Variants in BUB1 observed in about 807,000 individuals in gnomAD.
The protein encoded by BUB1 is BUB1 mitotic checkpoint serine/threonine kinase, also known as mitotic checkpoint serine/threonine-protein kinase BUB1.
In BUB1, 84 loss-of-function variants were observed where a neutral mutation model predicts 135.2. The ratio of observed to expected loss-of-function variants is 0.62; its 90% CI spans 0.52 to 0.74. The LOEUF is 0.74. Ranked by LOEUF, BUB1 falls within the 30% of genes least tolerant of loss-of-function variation. BUB1 has a pLI of 0.00. For synonymous variants in BUB1, 403 were observed against 434.4 expected (o/e 0.93, Z 0.90); for missense variants, 1,162 against 1,288.3 (o/e 0.90, Z 1.50).
chr2:110,673,607 G>A (rs1448583263), intron 3 of BUB1, among the ~76,000 whole-genome samples: 2 of 151,762 alleles, frequency 1.3e-5, no homozygotes, highest in African/African-American at 4.8e-5. Flanking sequence ...GGGGAGCGGG[G>A]GGTGGGGACA....
At chr2:110,674,703 G>C (rs1418072876) in intron 1 of BUB1, among the ~76,000 whole-genome samples, 1 of 152,196 alleles carries the variant, frequency 6.6e-6, no homozygotes, top group Non-Finnish European at 1.5e-5. Flanking sequence ...CCAGAAGTTT[G>C]CTCCTCCTCC....
chr2:110,659,920 CCT>C, intron 11 of BUB1, 56 bp downstream of exon 11: 1 of 1,476,708 alleles, frequency 6.8e-7, no homozygotes, highest in Non-Finnish European at 9.4e-7. Flanking sequence ...ACAAAATACA[CCT>C]CTGAGTGATA....
At position 110,658,635 on chromosome 2, in the gene BUB1, C is replaced by T. The variant is rs766709323; in HGVS notation, c.1384G>A (p.Val462Met). The change falls in exon 12 of 25, where the codon GTG (valine) becomes ATG (methionine). Residue 462 changes from valine to methionine, a missense_variant. Coordinates refer to ENST00000302759, the MANE Select transcript of BUB1 (RefSeq NM_004336.5). ...TTACCTAATGCTTCTTTTGTGTGCA[C>T]GGTGGGTGATGGCTGCACTTTGGAT... is the stretch of plus-strand genomic sequence containing the variant. ...TPSKVQPSPT[V>M]HTKEALGFIM... is the part of the protein sequence containing the mutation. 15 of 1,614,056 alleles carry T rather than the reference C, an allele frequency of 9.3e-6. No individual in the cohort carries two copies. The highest frequency in any genetic ancestry group is 5.3e-5 in the African/African-American group (4 of 74,924).
chr2:110,646,797 G>A (rs1315870477), intron 19 of BUB1, among the ~76,000 whole-genome samples: 1 of 151,960 alleles, frequency 6.6e-6, no homozygotes, highest in Non-Finnish European at 1.5e-5. Context: ...TATTAGAAAA[G>A]AAGATCTAAA....
At chr2:110,659,137 G>A (rs1361836058) in intron 11 of BUB1, among the ~76,000 whole-genome samples, 1 of 152,124 alleles carries the variant, frequency 6.6e-6, no homozygotes, top group East Asian at 1.9e-4. Context: ...GCCCTGCACA[G>A]CCTGGGTCCT....
chr2:110,639,714 T>C (rs777029694), intron 24 of BUB1, 28 bp downstream of exon 24: 1 of 1,526,128 alleles, frequency 6.6e-7, no homozygotes, highest in Admixed American at 1.7e-5. Flanking sequence ...TATTCTCTTT[T>C]CACTACAGCA....
In BUB1 at chr2:110,658,421, G is replaced by A. The variant is rs143052068; in HGVS notation, c.1505C>T (p.Ala502Val). ...TAAATAGTTATTACTTTGAAACTGG[G>A]CTTCAAATGCATCTTCATTTTGATC... ...SLDQNEDAFE[A>V]QFQKNVRSSG... The change falls in exon 13 of 25, where the codon GCC (alanine) becomes GTC (valine). Residue 502 changes from alanine (A) to valine (V), a missense_variant. Coordinates refer to ENST00000302759, the MANE Select transcript of BUB1 (RefSeq NM_004336.5). 2 of 1,612,090 alleles carry A rather than the reference G, an allele frequency of 1.2e-6. No individual in the cohort carries two copies. Among genetic ancestry groups the A allele is most frequent in the Non-Finnish European group, 1.7e-6 (2 of 1,178,646 alleles).
intron 15 of BUB1, 42 bp from the exon 16 acceptor site, chr2:110,655,958 T>A: frequency 1.9e-6 from 3 of 1,575,602 alleles, no homozygotes; most frequent in Non-Finnish European, 1.7e-6. Context: ...GCAATCTCCC[T>A]CTTTAGTCCA....
intron 1 of BUB1, among the ~76,000 whole-genome samples, chr2:110,676,201 T>C (rs1690577437): frequency 6.6e-6 from 1 of 152,048 alleles, no homozygotes; most frequent in African/African-American, 2.4e-5. Flanking sequence ...TTTTTTTTAA[T>C]GAGCAAAGGG....
Position 110,674,106 on chromosome 2 carries a change from T to G in BUB1, c.205A>C (p.Ile69Leu), listed in dbSNP as rs780901314. The change falls in exon 3 of 25, where the codon ATC becomes CTC. Residue 69 changes from isoleucine to leucine, a missense_variant. Coordinates refer to ENST00000302759, the MANE Select transcript of BUB1 (RefSeq NM_004336.5). ...KKKYHNDPRFISYCLKFAEYN... is the reference protein window; with the variant it reads ...KKKYHNDPRFLSYCLKFAEYN... Reference sequence around the variant, plus strand: ...CTTACAAATTTTAAACAATAACTGATGAATCTTGGGTCATTGTGGTATTTC... The same window carrying G: ...CTTACAAATTTTAAACAATAACTGAGGAATCTTGGGTCATTGTGGTATTTC... 2 of 1,531,894 alleles carry G rather than the reference T, an allele frequency of 1.3e-6. No homozygotes were observed. Among genetic ancestry groups the G allele is most frequent in the Admixed American group, 3.4e-5 (2 of 58,402 alleles). 94.9% of individuals were successfully genotyped at this position (1,531,894 alleles called of 1,614,324 possible).
At chr2:110,662,835 AG>A (rs1267366679) in intron 9 of BUB1, among the ~76,000 whole-genome samples, 1 of 152,154 alleles carries the variant, frequency 6.6e-6, no homozygotes, top group African/African-American at 2.4e-5. Context: ...CCAAATGTCT[AG>A]GGCAAGAATA....
chr2:110,653,587 T>C (rs1689842113), intron 16 of BUB1, 64 bp from the exon 17 acceptor site: 1 of 1,312,424 alleles, frequency 7.6e-7, no homozygotes, highest in Non-Finnish European at 1.1e-6. Flanking sequence ...ACACACACCA[T>C]TTGATATGGT....
At chr2:110,658,387 A>G (rs1416497419) in intron 13 of BUB1, 23 bp downstream of exon 13, 2 of 1,567,430 alleles carry the variant, frequency 1.3e-6, no homozygotes, top group Non-Finnish European at 8.8e-7. Context: ...CTATGCACTT[A>G]GTAGCTTTTA....
chr2:110,666,511 C>T (rs958833557), intron 8 of BUB1, 97 bp from the exon 9 acceptor site: 29 of 965,096 alleles, frequency 3.0e-5, no homozygotes, highest in South Asian at 2.1e-4. Context: ...TTTAGGGGGC[C>T]GATTTTTTTA....
chr2:110,657,047 A>C lies in BUB1; in HGVS notation c.1687T>G (p.Ser563Ala). 2 of 1,612,500 alleles carry C rather than the reference A, an allele frequency of 1.2e-6. No individual in the cohort carries two copies. The highest frequency in any genetic ancestry group is 1.7e-6 in the Non-Finnish European group (2 of 1,179,112). ...FGERSVSRLP[S>A]KPKEEVPHAE... is the part of the protein sequence containing the mutation. ...ACAGGTTTGTTTACCTTTGGTTTTG[A>C]AGGAAGTCTGCTGACAGAGCGTTCT... Residue 563 changes from serine to alanine, a missense_variant, in exon 15 of 25, where the codon TCA becomes GCA. Transcript: ENST00000302759.
Position 110,650,532 on chromosome 2 carries a change from G to T in BUB1, c.2203+14C>A. On this transcript the variant is annotated intron_variant, in intron 18 of 24. Transcript: ENST00000302759. Reference sequence around the variant, plus strand: ...TCCTGATTCAAGGGCATAACAAAGAGTGAGTGTTCGTACTTGGAGCATCAA... The same window carrying T: ...TCCTGATTCAAGGGCATAACAAAGATTGAGTGTTCGTACTTGGAGCATCAA... 1 of 1,609,238 alleles carries T rather than the reference G, an allele frequency of 6.2e-7. No individual in the cohort carries two copies. The highest frequency in any genetic ancestry group is 2.2e-5 in the East Asian group (1 of 44,830).
rs1287279633 is a variant in BUB1 at position 110,669,537 on chromosome 2, A to C, written c.483T>G (p.Pro161=). ...HLPAQARTSE[P]LHNVQVLNQM... ...GATTTAAAACCTGAACATTATGCAG[A>C]GGTTCTGAGGTTCTAGCTATGAGGG... Residue 161 remains proline (P), a synonymous_variant, in exon 6 of 25, where the codon CCT becomes CCG. Coordinates refer to ENST00000302759, the MANE Select transcript of BUB1 (RefSeq NM_004336.5). The C allele has an allele frequency of 1.2e-5, 19 of 1,604,048 alleles. No homozygotes were observed. Among genetic ancestry groups the C allele is most frequent in the Non-Finnish European group, 1.6e-5 (19 of 1,171,380 alleles).
chr2:110,651,247 G>C (rs1366787610), intron 17 of BUB1, among the ~76,000 whole-genome samples: 1 of 152,156 alleles, frequency 6.6e-6, no homozygotes, highest in African/African-American at 2.4e-5. Flanking sequence ...GACAGCATAT[G>C]CAATGGTGGC....
chr2:110,676,123 C>CA, intron 1 of BUB1, among the ~76,000 whole-genome samples: 1 of 150,532 alleles, frequency 6.6e-6, no homozygotes, highest in East Asian at 1.9e-4. Context: ...ACAAAATAGT[C>CA]AAAAGAGAAA....
Sources: allele counts gnomAD v4.1 joint callset (sites outside exome capture counted in the v4.1 genomes callset), GRCh38; gene constraint gnomAD v4.1.1; transcripts MANE v1.5; gene names NCBI Gene and HGNC (gene_info 2026-07-23, HGNC 2026-07-21).